CRY1: variants seen among roughly 807,000 people sequenced by gnomAD.
CRY1 encodes cryptochrome circadian regulator 1.
In CRY1, 45 loss-of-function variants were observed where a neutral mutation model predicts 76.0. The observed-to-expected ratio is 0.59, with a 90% confidence interval of 0.47 to 0.76. CRY1 has a LOEUF of 0.76. Ranked by LOEUF, CRY1 falls within the 30% of genes least tolerant of loss-of-function variation. The probability of loss-of-function intolerance (pLI) is 0.00; values close to 1 mark genes in which losing one functional copy is unlikely to be tolerated. For missense variants in CRY1, 587 were observed against 716.4 expected (o/e 0.82, Z 2.06); for synonymous variants, 248 against 244.0 (o/e 1.02, Z -0.15).
intron 1 of CRY1, among the ~76,000 whole-genome samples, chr12:107,063,402 A>G (rs1953072809): frequency 6.6e-6 from 1 of 152,156 alleles, no homozygotes; most frequent in Non-Finnish European, 1.5e-5. Context: ...AGAATTAGGG[A>G]TTTCTAATAT....
At chr12:107,061,649 T>G (rs935555462) in intron 1 of CRY1, among the ~76,000 whole-genome samples, 1 of 152,134 alleles carries the variant, frequency 6.6e-6, no homozygotes, top group African/African-American at 2.4e-5. Flanking sequence ...CCCAAAGTGC[T>G]AGGATCACAG....
At chr12:107,040,274 T>TA (rs1406359525) in intron 1 of CRY1, among the ~76,000 whole-genome samples, 2 of 145,916 alleles carry the variant, frequency 1.4e-5, no homozygotes, top group African/African-American at 5.2e-5. Flanking sequence ...TTCTTTCCTT[T>TA]TTTTTTTTTT....
At chr12:107,017,931 C>T (rs1952514227) in intron 2 of CRY1, among the ~76,000 whole-genome samples, 1 of 152,186 alleles carries the variant, frequency 6.6e-6, no homozygotes, top group Admixed American at 6.5e-5. Flanking sequence ...TTCTCTACAG[C>T]ACATATCACC....
At chr12:107,043,493 G>A (rs1476328020) in intron 1 of CRY1, among the ~76,000 whole-genome samples, 1 of 152,126 alleles carries the variant, frequency 6.6e-6, no homozygotes, top group Non-Finnish European at 1.5e-5. Flanking sequence ...CTGGGAATAG[G>A]TGCCTTGGCT....
chr12:107,044,498 A>G (rs1952829904), intron 1 of CRY1, among the ~76,000 whole-genome samples: 1 of 152,180 alleles, frequency 6.6e-6, no homozygotes, highest in Admixed American at 6.5e-5. Flanking sequence ...CAAATGGCAC[A>G]CTAAAACCCA....
At chr12:107,072,291 G>C (rs1953199298) in intron 1 of CRY1, among the ~76,000 whole-genome samples, 1 of 152,070 alleles carries the variant, frequency 6.6e-6, no homozygotes, top group African/African-American at 2.4e-5. Flanking sequence ...GCTTAGCTCA[G>C]GTATCAATTA....
chr12:107,080,219 C>T (rs906259072), intron 1 of CRY1, among the ~76,000 whole-genome samples: 1 of 152,052 alleles, frequency 6.6e-6, no homozygotes, highest in African/African-American at 2.4e-5. Flanking sequence ...ACAGAAAACA[C>T]AGGAAAACTC....
intron 2 of CRY1, among the ~76,000 whole-genome samples, chr12:107,005,590 A>C (rs1456030117): frequency 1.3e-5 from 2 of 152,164 alleles, no homozygotes; most frequent in Non-Finnish European, 2.9e-5. Context: ...AGAGTTTGGC[A>C]CTTTGGTTAG....
chr12:107,066,185 A>ATCCCCCAACACCAACT (rs1953108042), intron 1 of CRY1, among the ~76,000 whole-genome samples: 1 of 152,210 alleles, frequency 6.6e-6, no homozygotes. Context: ...ATTATTGCCC[A>ATCCCCCAACACCAACT]TCCCCCAACA....
chr12:107,083,301 C>T (rs1953350516), intron 1 of CRY1, among the ~76,000 whole-genome samples: 1 of 152,120 alleles, frequency 6.6e-6, no homozygotes, highest in Non-Finnish European at 1.5e-5. Flanking sequence ...GAAATTATTC[C>T]AAACAAAAGA....
chr12:106,992,727 CTTAAT>C (rs1325851237), intron 12 of CRY1, 55 bp downstream of exon 12: 1 of 1,349,040 alleles, frequency 7.4e-7, no homozygotes, highest in Non-Finnish European at 1.0e-6. Context: ...TTGAAATTAT[CTTAAT>C]TTATGTTAAT....
intron 2 of CRY1, among the ~76,000 whole-genome samples, chr12:107,017,502 A>G (rs767972931): frequency 6.6e-6 from 1 of 152,220 alleles, no homozygotes; most frequent in Non-Finnish European, 1.5e-5. Context: ...AAGATAGTCA[A>G]ACTCACACAT....
chr12:107,067,517 T>C (rs1384764214), intron 1 of CRY1, among the ~76,000 whole-genome samples: 1 of 152,206 alleles, frequency 6.6e-6, no homozygotes. Flanking sequence ...TCTTTTCTTT[T>C]TGATTTTAGG....
At chr12:107,003,487 T>G (rs754170464) in intron 3 of CRY1, among the ~76,000 whole-genome samples, 1 of 152,208 alleles carries the variant, frequency 6.6e-6, no homozygotes, top group African/African-American at 2.4e-5. Flanking sequence ...GTTTTCTTAG[T>G]GTATTTTAGT....
intron 1 of CRY1, among the ~76,000 whole-genome samples, chr12:107,023,149 T>C (rs1861591): frequency 0.55 from 83,446 of 152,060 alleles, 23,259 homozygotes; most frequent in East Asian, 0.73. Flanking sequence ...TTTTATGTTT[T>C]TGATCTCAAG....
intron 2 of CRY1, among the ~76,000 whole-genome samples, chr12:107,006,733 C>T (rs938925509): frequency 7.4e-5 from 11 of 148,724 alleles, no homozygotes; most frequent in Non-Finnish European, 1.5e-4. Context: ...CTCACTGCAA[C>T]CTCCACCTCC....
chr12:107,051,456 T>TA (rs909866985), intron 1 of CRY1, among the ~76,000 whole-genome samples: 24 of 151,926 alleles, frequency 1.6e-4, no homozygotes, highest in Non-Finnish European at 2.9e-4. Context: ...TTTCTTGAGT[T>TA]AAAAAAAATC....
At chr12:107,017,807 C>CAT (rs1194553710) in intron 2 of CRY1, among the ~76,000 whole-genome samples, 1 of 152,208 alleles carries the variant, frequency 6.6e-6, no homozygotes, top group South Asian at 2.1e-4. Flanking sequence ...AACCCAGATG[C>CAT]ATGGCTCACT....
Position 106,999,881 on chromosome 12 carries a change from G to T in CRY1, c.826-19C>A, listed in dbSNP as rs750105739. On this transcript the variant is annotated intron_variant, in intron 6 of 12. Transcript: ENST00000008527. Reference sequence around the variant, plus strand: ...TCTTTACCTATGGTTAAAAAGCAAAGAAGTATTATCAGAATTTTTTTTTAA... The same window carrying T: ...TCTTTACCTATGGTTAAAAAGCAAATAAGTATTATCAGAATTTTTTTTTAA... The T allele has an allele frequency of 9.4e-6, 15 of 1,595,358 alleles. No individual in the cohort carries two copies. Among genetic ancestry groups the T allele is most frequent in the Non-Finnish European group, 1.3e-5 (15 of 1,174,034 alleles).
Sources: gnomAD v4.1 joint callset for allele counts (sites outside exome capture counted in the v4.1 genomes callset) on GRCh38, gnomAD v4.1.1 for gene constraint, MANE v1.5 for transcripts, NCBI Gene and HGNC (gene_info 2026-07-23, HGNC 2026-07-21) for gene names.